RNF213: variants seen among roughly 807,000 people sequenced by gnomAD.
RNF213 encodes E3 ubiquitin-protein ligase RNF213.
RNF213 carries 341 observed loss-of-function variants against 514.4 expected under a neutral mutation model. That is an observed-to-expected ratio of 0.66 (90% CI 0.61 to 0.73). The LOEUF (loss-of-function observed/expected upper bound fraction) is 0.73. RNF213 is among the 30% of genes least tolerant of loss of function. The probability of loss-of-function intolerance (pLI) is 0.00; values close to 1 mark genes in which losing one functional copy is unlikely to be tolerated. For synonymous variants in RNF213, 2,655 were observed against 2,658.2 expected, an observed-to-expected ratio of 1.00 and a Z score of 0.04; for missense variants, 5,767 against 6,615.6, an observed-to-expected ratio of 0.87 and a Z score of 4.45.
chr17:80,280,702 GC>G (rs1405565896), intron 3 of RNF213, among the ~76,000 whole-genome samples: 1 of 152,036 alleles, frequency 6.6e-6, no homozygotes, highest in Non-Finnish European at 1.5e-5. Context: ...CAATTCTCCC[GC>G]CCCAGCCTCC....
At chr17:80,389,070 C>T in intron 64 of RNF213, 103 bp from the exon 65 acceptor site, 7 of 1,120,414 alleles carry the variant, frequency 6.2e-6, no homozygotes, top group Non-Finnish European at 9.4e-6. Context: ...AGTTGGCCCC[C>T]CGCATGTGGC....
chr17:80,339,024 A>G (rs1450361758), intron 25 of RNF213, among the ~76,000 whole-genome samples, 177 bp from the exon 26 acceptor site: 3 of 151,942 alleles, frequency 2.0e-5, no homozygotes, highest in African/African-American at 4.8e-5. Flanking sequence ...CCCTGATGAG[A>G]GTGCCATCTT....
chr17:80,313,590 GTGA>G (rs1312653383), intron 15 of RNF213, among the ~76,000 whole-genome samples: 3 of 150,414 alleles, frequency 2.0e-5, no homozygotes, highest in East Asian at 2.0e-4. Context: ...GGTGGTGGAG[GTGA>G]TGGTGGTGGT....
At position 80,261,859 on chromosome 17, in the gene RNF213, C is replaced by T. The variant is rs1172322599; in HGVS notation, c.-109+957C>T. Among the ~76,000 whole-genome samples the T allele has an allele frequency of 3.9e-5, 6 of 152,238 alleles. No individual in the cohort carries two copies. The East Asian group carries it at 1.2e-3, about 29-fold the overall frequency. On this transcript the variant is annotated intron_variant, in intron 1 of 67. Transcript: ENST00000582970. ...CATGAAACCCCGTTTCTACTAAAAACACAAAAAATTAGCCGGGTGTGGTGG... is the reference window on the plus strand; with the variant it reads ...CATGAAACCCCGTTTCTACTAAAAATACAAAAAATTAGCCGGGTGTGGTGG...
In RNF213 at chr17:80,343,245, G is replaced by A. The variant is rs1241415175; in HGVS notation, c.6103G>A (p.Val2035Ile). 4.3e-6 allele frequency: 7 copies of A among 1,614,008 alleles called. No individual in the cohort carries two copies. In the Admixed American group the frequency reaches 6.7e-5, roughly 15 times the overall value. ...LIDPQVDESR[V>I]LGALLPFLDA... Reference sequence around the variant, plus strand: ...CGACCCTCAGGTGGATGAGAGCCGAGTCCTGGGCGCCCTGCTGCCCTTCCT... The same window carrying A: ...CGACCCTCAGGTGGATGAGAGCCGAATCCTGGGCGCCCTGCTGCCCTTCCT... The change falls in exon 27 of 68, where the codon GTC becomes ATC. Residue 2035 changes from valine to isoleucine, a missense_variant. This residue lies in a region of RNF213 where 1,377 missense variants were observed against 1,635.2 expected (regional missense o/e 0.84). Coordinates refer to ENST00000582970, the MANE Select transcript of RNF213 (RefSeq NM_001256071.3). This position sits in a 1 kb window ranked among gnomAD's most constrained non-coding sequence, Gnocchi z 4.3.
At chr17:80,373,266 CCCCACCCCCTCACACCTTCCCCACCACAT>C (rs2079596801) in intron 49 of RNF213, 101 bp downstream of exon 49, 2 of 921,780 alleles carry the variant, frequency 2.2e-6, no homozygotes, top group African/African-American at 4.1e-5. Flanking sequence ...CCCCCCCACA[CCCCACCCCCTCACACCTTCCCCACCACAT>C]ACCCTCATAC....
rs201771673 is a variant in RNF213, at chr17:80,281,528, C to CA, written c.262-6287_262-6286insA. Among the ~76,000 whole-genome samples, 3 of 94,980 alleles carry CA rather than the reference C, an allele frequency of 3.2e-5. No homozygotes were observed. The East Asian group carries it at 1.0e-3, about 32-fold the overall frequency. 62.3% of individuals were successfully genotyped at this position (94,980 alleles called of 152,430 possible). ...ACACACACACCCCAACACACACATG[C>CA]CCCACTCATACCACTCACACACCCC... On this transcript the variant is annotated intron_variant, in intron 3 of 67. Coordinates refer to ENST00000582970, the MANE Select transcript of RNF213 (RefSeq NM_001256071.3).
chr17:80,358,951 G>T (rs991414713), intron 37 of RNF213, among the ~76,000 whole-genome samples: 3 of 152,114 alleles, frequency 2.0e-5, no homozygotes, highest in African/African-American at 4.8e-5. Flanking sequence ...AGAAATTTCT[G>T]TTTTATCTCC....
At chr17:80,361,976 C>T in intron 39 of RNF213, 88 bp downstream of exon 39, 2 of 1,438,870 alleles carry the variant, frequency 1.4e-6, no homozygotes, top group Non-Finnish European at 1.9e-6. Context: ...CCTCAGCTGC[C>T]TGGAGCTGGT....
intron 14 of RNF213, among the ~76,000 whole-genome samples, chr17:80,312,443 G>A (rs1308385236): frequency 6.6e-6 from 1 of 150,894 alleles, no homozygotes; most frequent in Non-Finnish European, 1.5e-5. Context: ...TCCGGGTCAG[G>A]AGCCTGGCTG....
intron 2 of RNF213, among the ~76,000 whole-genome samples, chr17:80,269,423 CCATT>C (rs1302546168): frequency 6.7e-6 from 1 of 148,820 alleles, no homozygotes; most frequent in Non-Finnish European, 1.5e-5. Context: ...ATCCATCCAT[CCATT>C]CATCTATTCT....
chr17:80,339,364 G>T lies in RNF213; in HGVS notation c.4997G>T (p.Gly1666Val). 1 of 1,537,264 alleles carries T rather than the reference G, an allele frequency of 6.5e-7. No homozygotes were observed. Among genetic ancestry groups the T allele is most frequent in the Non-Finnish European group, 8.7e-7 (1 of 1,146,924 alleles). The change falls in exon 26 of 68, where the codon GGT (glycine) becomes GTT (valine). Residue 1666 changes from glycine (G) to valine (V), a missense_variant. Physicochemically the swap from Gly to Val is moderately radical, Grantham distance 109. Coordinates refer to ENST00000582970, the MANE Select transcript of RNF213 (RefSeq NM_001256071.3). The part of the protein sequence containing the change: ...GLDLVTELKE[G>V]GDVTELLAAL... Reference sequence around the variant, plus strand: ...GACCTGGTGACGGAGCTTAAAGAAGGTGGAGATGTCACTGAGCTGCTGGCA... The same window carrying T: ...GACCTGGTGACGGAGCTTAAAGAAGTTGGAGATGTCACTGAGCTGCTGGCA...
Position 80,346,860 on chromosome 17 carries a change from T to C in RNF213, c.8525T>C (p.Val2842Ala). The C allele has an allele frequency of 6.2e-7, 1 of 1,613,912 alleles. No individual in the cohort carries two copies. The highest frequency in any genetic ancestry group is 1.1e-5 in the South Asian group (1 of 91,064). The change falls in exon 29 of 68, where the codon GTG becomes GCG. Residue 2842 changes from valine to alanine, a missense_variant. By Grantham distance (64) the Val-to-Ala change is moderately conservative. Transcript: ENST00000582970. This position sits in a 1 kb window ranked among gnomAD's most constrained non-coding sequence, Gnocchi z 8.1. ...CTGCAGCAGTACGTCTCTGTGGTGGTGTTAGATGAGGTGGGGCTGGCGGAA... is the reference window on the plus strand; with the variant it reads ...CTGCAGCAGTACGTCTCTGTGGTGGCGTTAGATGAGGTGGGGCTGGCGGAA... ...KDLQQYVSVV[V>A]LDEVGLAEDS...
chr17:80,377,787 C>T lies in RNF213; in HGVS notation c.13536C>T (p.Ser4512=), dbSNP rs779875635. ...CTTGTCCCAACGGCCATCCTTGCTC[C>T]GTGGGAGAGGTGAGTCTTGGTATTT... The part of the protein sequence containing the change: ...WYTCPNGHPC[S]VGECGRPMEQ... The change falls in exon 54 of 68, where the codon TCC becomes TCT. Residue 4512 remains serine (S), a synonymous_variant. Coordinates refer to ENST00000582970, the MANE Select transcript of RNF213 (RefSeq NM_001256071.3). The surrounding 1 kb of genome is among the most constrained non-coding windows in gnomAD (Gnocchi z 4.1). 5.6e-6 allele frequency: 9 copies of T among 1,614,140 alleles called. No individual in the cohort carries two copies. The highest frequency in any genetic ancestry group is 5.1e-6 in the Non-Finnish European group (6 of 1,180,018).
intron 2 of RNF213, among the ~76,000 whole-genome samples, chr17:80,266,380 C>T (rs943657466): frequency 2.0e-5 from 3 of 151,822 alleles, no homozygotes; most frequent in African/African-American, 7.3e-5. Context: ...TCCCACTGCA[C>T]TCCAGCCTGG....
chr17:80,393,262 T>A, intron 67 of RNF213, 83 bp from the exon 68 acceptor site: 1 of 1,142,006 alleles, frequency 8.8e-7, no homozygotes, highest in South Asian at 1.2e-5. Flanking sequence ...CTTACACACG[T>A]GAGCCACACA....
chr17:80,324,465 G>A (rs1317591161), intron 17 of RNF213, among the ~76,000 whole-genome samples: 1 of 152,012 alleles, frequency 6.6e-6, no homozygotes, highest in Non-Finnish European at 1.5e-5. Context: ...ACATGGGGCT[G>A]GATAAGGTTT....
In RNF213 at chr17:80,295,821, T is replaced by C; in HGVS notation, c.2012+8T>C. ...CCTTGGGATACCTCAGAGGTATTAT[T>C]ATTTTTTGTCAAAATGTTTTTTATA... On this transcript the variant is annotated splice_region_variant and intron_variant, in intron 10 of 67. Transcript: ENST00000582970. 1 of 1,614,108 alleles carries C rather than the reference T, an allele frequency of 6.2e-7. No homozygotes were observed. Among genetic ancestry groups the C allele is most frequent in the Non-Finnish European group, 8.5e-7 (1 of 1,179,972 alleles).
Position 80,353,998 on chromosome 17 carries a change from C to G in RNF213, c.10579-21C>G. On this transcript the variant is annotated intron_variant, in intron 34 of 67. Coordinates refer to ENST00000582970, the MANE Select transcript of RNF213 (RefSeq NM_001256071.3). This position sits in a 1 kb window ranked among gnomAD's most constrained non-coding sequence, Gnocchi z 5.0. ...CTGTGTCAGTGGCAGAAACGGATGACCCAACCGTCTCCACCAACAGGTGTC... is the reference window on the plus strand; with the variant it reads ...CTGTGTCAGTGGCAGAAACGGATGAGCCAACCGTCTCCACCAACAGGTGTC... 4.3e-6 allele frequency: 7 copies of G among 1,613,500 alleles called. No homozygotes were observed. The highest frequency in any genetic ancestry group is 5.9e-6 in the Non-Finnish European group (7 of 1,179,980).
Sources: allele counts gnomAD v4.1 joint callset (sites outside exome capture counted in the v4.1 genomes callset), GRCh38; gene constraint gnomAD v4.1.1; regional missense constraint gnomAD v4.1.1; non-coding constraint Gnocchi (gnomAD v3.1); transcripts MANE v1.5; gene names NCBI Gene and HGNC (gene_info 2026-07-23, HGNC 2026-07-21).